The following TCF4 variants were observed in gnomAD, a reference collection of about 807,000 sequenced individuals.
TCF4 encodes SL3-3 enhancer factor 2.
TCF4 carries 3 observed loss-of-function variants against 82.1 expected under a neutral mutation model. The observed-to-expected ratio is 0.04, with a 90% CI of 0.02 to 0.09. TCF4 has a LOEUF of 0.09. Among genes scored for constraint, TCF4 ranks in the 10% least tolerant of loss-of-function variants. The pLI is 1.00. For missense variants in TCF4, 518 were observed against 852.7 expected (o/e 0.61, Z 4.89); for synonymous variants, 276 against 309.6 (o/e 0.89, Z 1.14).
intron 3 of TCF4, among the ~76,000 whole-genome samples, chr18:55,490,213 T>G (rs1439976792): frequency 2.0e-5 from 3 of 152,188 alleles, no homozygotes; most frequent in African/African-American, 7.2e-5. Context: ...AAATGGGATT[T>G]CTGCGGTTAT....
chr18:55,271,199 T>C (rs1334996650), intron 10 of TCF4, among the ~76,000 whole-genome samples: 1 of 152,088 alleles, frequency 6.6e-6, no homozygotes, highest in Non-Finnish European at 1.5e-5. Flanking sequence ...CCACCATCTC[T>C]TCTCTCTAGG....
chr18:55,303,171 G>A (rs1166495652), intron 8 of TCF4, among the ~76,000 whole-genome samples: 1 of 149,926 alleles, frequency 6.7e-6, no homozygotes, highest in Non-Finnish European at 1.5e-5. Context: ...CTTGCAAGTG[G>A]GAGAGGAAAG....
At chr18:55,367,518 AG>A (rs1306398148) in intron 6 of TCF4, among the ~76,000 whole-genome samples, 3 of 152,230 alleles carry the variant, frequency 2.0e-5, no homozygotes, top group Non-Finnish European at 4.4e-5. Flanking sequence ...AATGCAATGT[AG>A]GAGTGCCTAT....
intron 10 of TCF4, among the ~76,000 whole-genome samples, chr18:55,271,434 T>C (rs2060346528): frequency 6.6e-6 from 1 of 152,156 alleles, no homozygotes; most frequent in Non-Finnish European, 1.5e-5. Flanking sequence ...AAACAGTGGA[T>C]TGAAGTATAA....
intron 3 of TCF4, among the ~76,000 whole-genome samples, chr18:55,577,206 TTA>T (rs1193323151): frequency 1.2e-3 from 32 of 27,680 alleles, no homozygotes; most frequent in African/African-American, 5.7e-3. Context: ...ATTTATATAT[TTA>T]TATAAATGTA....
At chr18:55,528,858 A>G (rs1698007387) in intron 3 of TCF4, among the ~76,000 whole-genome samples, 1 of 152,114 alleles carries the variant, frequency 6.6e-6, no homozygotes, top group Admixed American at 6.5e-5. Flanking sequence ...GTAAAATCTC[A>G]TTCTTGACTA....
chr18:55,572,618 A>G (rs367900245), intron 3 of TCF4, among the ~76,000 whole-genome samples: 86 of 152,326 alleles, frequency 5.6e-4, no homozygotes, highest in African/African-American at 1.7e-3. Flanking sequence ...CCACTCTCCT[A>G]AAGTCCACCA....
intron 15 of TCF4, among the ~76,000 whole-genome samples, chr18:55,247,973 G>A (rs2053817434): frequency 6.6e-6 from 1 of 152,222 alleles, no homozygotes; most frequent in African/African-American, 2.4e-5. Flanking sequence ...TTGAAGGAAG[G>A]AGGCTGATCA....
intron 3 of TCF4, among the ~76,000 whole-genome samples, chr18:55,514,836 G>T (rs905177205): frequency 6.6e-6 from 1 of 152,048 alleles, no homozygotes; most frequent in African/African-American, 2.4e-5. Context: ...AATATTTATA[G>T]AATAGTACAA....
chr18:55,510,916 T>A (rs968750770), intron 3 of TCF4: 2 of 401,162 alleles, frequency 5.0e-6, no homozygotes, highest in Non-Finnish European at 7.1e-6. Context: ...ACAAGATCTC[T>A]GCCAAACAGA....
intron 11 of TCF4, among the ~76,000 whole-genome samples, chr18:55,262,129 G>A (rs888825461): frequency 4.6e-5 from 7 of 152,150 alleles, no homozygotes; most frequent in African/African-American, 1.2e-4. Context: ...AAAGTGAACT[G>A]GTATGCTACT....
intron 3 of TCF4, among the ~76,000 whole-genome samples, chr18:55,547,915 AT>A (rs1354834553): frequency 6.6e-6 from 1 of 152,198 alleles, no homozygotes; most frequent in Non-Finnish European, 1.5e-5. Context: ...TTCCCATCTA[AT>A]GTCATAGCAC....
chr18:55,541,551 C>G (rs916095111), intron 3 of TCF4, among the ~76,000 whole-genome samples: 1 of 151,860 alleles, frequency 6.6e-6, no homozygotes, highest in South Asian at 2.1e-4. Context: ...ACATATATAT[C>G]CTAAGCATAT....
chr18:55,286,868 CAT>C (rs2063806012), intron 8 of TCF4, among the ~76,000 whole-genome samples: 2 of 152,292 alleles, frequency 1.3e-5, no homozygotes, highest in African/African-American at 2.4e-5. Flanking sequence ...AGAAATAACA[CAT>C]ATATGTCTTC....
chr18:55,353,514 C>A (rs2144881097), intron 6 of TCF4, among the ~76,000 whole-genome samples: 1 of 152,258 alleles, frequency 6.6e-6, no homozygotes, highest in African/African-American at 2.4e-5. Context: ...ACAATAGAAT[C>A]ATTCTTCTAA....
intron 8 of TCF4, chr18:55,321,954 C>T (rs967825803): frequency 5.2e-6 from 7 of 1,341,400 alleles, no homozygotes; most frequent in Non-Finnish European, 5.7e-6. Context: ...AGCTGGAAGG[C>T]AGCCCGGCCC....
At chr18:55,328,779 T>TA (rs2077014318) in intron 8 of TCF4, among the ~76,000 whole-genome samples, 2 of 152,190 alleles carry the variant, frequency 1.3e-5, no homozygotes, top group Non-Finnish European at 2.9e-5. Context: ...TTCTCAATTT[T>TA]AAAAAATTTG....
intron 18 of TCF4, 115 bp downstream of exon 18, chr18:55,228,732 G>T: frequency 9.2e-7 from 1 of 1,087,430 alleles, no homozygotes; most frequent in Non-Finnish European, 1.4e-6. Flanking sequence ...ACAATTCTTT[G>T]GAATGATGCT....
chr18:55,321,564 G>T, intron 8 of TCF4: 1 of 1,464,288 alleles, frequency 6.8e-7, no homozygotes, highest in Non-Finnish European at 9.2e-7. Context: ...CCAGGAAGGT[G>T]CGGCAGTCCT....
Sources: allele counts gnomAD v4.1 joint callset (sites outside exome capture counted in the v4.1 genomes callset), GRCh38; gene constraint gnomAD v4.1.1; transcripts MANE v1.5; gene names NCBI Gene and HGNC (gene_info 2026-07-23, HGNC 2026-07-21).